Variants in DAZAP1 observed in about 807,000 individuals in gnomAD.
DAZAP1 encodes the protein DAZ-associated protein 1.
DAZAP1 carries 6 observed loss-of-function variants against 60.1 expected under a neutral mutation model. That is an observed-to-expected ratio of 0.10 (90% CI 0.05 to 0.20). The LOEUF (loss-of-function observed/expected upper bound fraction) is 0.20, where lower values mean the gene tolerates loss of function less well. DAZAP1 is among the 10% of genes least tolerant of loss of function. DAZAP1 has a pLI of 1.00. For missense variants in DAZAP1, 366 were observed against 560.4 expected, an observed-to-expected ratio of 0.65 and a Z score of 3.50; for synonymous variants, 235 against 215.9, an observed-to-expected ratio of 1.09 and a Z score of -0.78.
chr19:1,433,629 C>T lies in DAZAP1; in HGVS notation c.1048+939C>T. ...CACTCACCACCAAACCCTGGCGTGT[C>T]TGAGACTGGCAGGGGGGTGTGAGGC... On this transcript the variant is annotated intron_variant, in intron 11 of 11. Transcript: ENST00000233078. This position sits in a 1 kb window ranked among gnomAD's most constrained non-coding sequence, Gnocchi z 6.1. The T allele has an allele frequency of 1.2e-6, 1 of 867,542 alleles. No homozygotes were observed. Among genetic ancestry groups the T allele is most frequent in the East Asian group, 2.5e-5 (1 of 40,658 alleles). The allele number at this position is 867,542 out of a possible 1,614,324, so 53.7% of individuals were successfully genotyped here.
At chr19:1,431,737 G>A (rs1385797690) in intron 10 of DAZAP1, among the ~76,000 whole-genome samples, 3 of 152,248 alleles carry the variant, frequency 2.0e-5, no homozygotes, top group South Asian at 2.1e-4. Flanking sequence ...AGGGACATGG[G>A]CCATACGTGG....
At chr19:1,419,167 C>T (rs1275033765) in intron 4 of DAZAP1, among the ~76,000 whole-genome samples, 3 of 152,228 alleles carry the variant, frequency 2.0e-5, no homozygotes, top group South Asian at 2.1e-4. Context: ...CTCTGACCTG[C>T]GCCCTGGTGC....
intron 1 of DAZAP1, among the ~76,000 whole-genome samples, chr19:1,413,821 C>T (rs990298717): frequency 2.6e-5 from 4 of 152,200 alleles, no homozygotes; most frequent in Non-Finnish European, 5.9e-5. Context: ...AACTGAAATT[C>T]TGTCTTGTTC....
intron 1 of DAZAP1, chr19:1,415,993 G>A (rs985604980): frequency 2.6e-5 from 4 of 152,130 alleles, no homozygotes; most frequent in African/African-American, 9.7e-5. Flanking sequence ...TCGTTCTTAG[G>A]GAAAAAAGAA....
rs776036657 is a variant in DAZAP1 at position 1,434,918 on chromosome 19, G to T, written c.*6G>T. ...TCCACCCCTACCGACGCTAGCCCGC[G>T]GCGCCGCGACGTCTGCACGGCCCAG... On this transcript the variant is annotated 3_prime_UTR_variant, in exon 12 of 12. Transcript: ENST00000233078. This position sits in a 1 kb window ranked among gnomAD's most constrained non-coding sequence, Gnocchi z 8.0. 1.4e-6 allele frequency: 2 copies of T among 1,438,002 alleles called. No homozygotes were observed. Among genetic ancestry groups the T allele is most frequent in the East Asian group, 5.7e-5 (2 of 34,834 alleles). The allele number at this position is 1,438,002 out of a possible 1,614,324, so 89.1% of individuals were successfully genotyped here.
chr19:1,418,906 C>T lies in DAZAP1; in HGVS notation c.303+175C>T, dbSNP rs2083066723. 6.6e-6 allele frequency among the ~76,000 whole-genome samples: 1 copy of T among 152,114 alleles called. No homozygotes were observed. The highest frequency in any genetic ancestry group is 1.5e-5 in the Non-Finnish European group (1 of 68,016). On this transcript the variant is annotated intron_variant, in intron 4 of 11. Coordinates refer to ENST00000233078, the MANE Select transcript of DAZAP1 (RefSeq NM_018959.4). This position sits in a 1 kb window ranked among gnomAD's most constrained non-coding sequence, Gnocchi z 5.7. ...ATTTATCAGTGCCGTGAGTGTTTTA[C>T]AGCCAAGAAAATTCTTACTAATCTA...
chr19:1,424,419 C>T (rs1600226403), intron 6 of DAZAP1, among the ~76,000 whole-genome samples: 2 of 148,200 alleles, frequency 1.3e-5, no homozygotes, highest in African/African-American at 2.5e-5. Context: ...CAGGTGCACA[C>T]GTGTGCTCAG....
intron 6 of DAZAP1, among the ~76,000 whole-genome samples, chr19:1,424,406 G>A (rs1600226356): frequency 7.3e-6 from 1 of 136,262 alleles, no homozygotes; most frequent in Non-Finnish European, 1.5e-5. Flanking sequence ...GCACAGTCAC[G>A]CTCAGGTGCA....
chr19:1,417,890 T>G (rs1227688151), intron 2 of DAZAP1, among the ~76,000 whole-genome samples: 1 of 151,586 alleles, frequency 6.6e-6, no homozygotes, highest in Non-Finnish European at 1.5e-5. Flanking sequence ...AAGTCGGCGC[T>G]CCTTGGCCAC....
intron 1 of DAZAP1, among the ~76,000 whole-genome samples, chr19:1,408,282 G>T (rs1177941820): frequency 6.6e-6 from 1 of 151,928 alleles, no homozygotes; most frequent in African/African-American, 2.4e-5. Context: ...GTTGCCGCCT[G>T]TAGGGCTTCC....
intron 1 of DAZAP1, among the ~76,000 whole-genome samples, chr19:1,413,081 C>T (rs2082875311): frequency 1.3e-5 from 2 of 152,196 alleles, no homozygotes; most frequent in African/African-American, 2.4e-5. Context: ...CATTGCTCAC[C>T]GACCCCTTCA....
rs773386370 is a variant in DAZAP1, at chr19:1,417,543, AGGTGGGGAAGGGGTGTCAGGTG to A, written c.70+7_70+28del. The A allele has an allele frequency of 6.9e-6, 11 of 1,604,038 alleles. No homozygotes were observed. Among genetic ancestry groups the A allele is most frequent in the Non-Finnish European group, 9.4e-6 (11 of 1,175,684 alleles). On this transcript the variant is annotated splice_donor_5th_base_variant and intron_variant, in intron 2 of 11. Transcript: ENST00000233078. ...TCTTGACTGGAGCACGACCCAAGGT[AGGTGGGGAAGGGGTGTCAGGTG>A]GGTACTGCAGATGGGCTCTAGGACC...
chr19:1,433,746 T>A lies in DAZAP1; in HGVS notation c.1049-991T>A. 6.2e-7 allele frequency: 1 copy of A among 1,613,680 alleles called. No homozygotes were observed. Among genetic ancestry groups the A allele is most frequent in the Non-Finnish European group, 8.5e-7 (1 of 1,179,766 alleles). On this transcript the variant is annotated intron_variant, in intron 11 of 11. Coordinates refer to ENST00000233078, the MANE Select transcript of DAZAP1 (RefSeq NM_018959.4). The surrounding 1 kb of genome is among the most constrained non-coding windows in gnomAD (Gnocchi z 6.1). ...GGTCTCGTCTCTTGCCAGGCCTGGGTTCCTATTCTCCAGCCCCGCCGGGCT... is the reference window on the plus strand; with the variant it reads ...GGTCTCGTCTCTTGCCAGGCCTGGGATCCTATTCTCCAGCCCCGCCGGGCT...
chr19:1,420,947 C>T (rs144375192), intron 4 of DAZAP1, among the ~76,000 whole-genome samples: 14 of 152,302 alleles, frequency 9.2e-5, no homozygotes, highest in Admixed American at 2.6e-4. Flanking sequence ...CAATCCCTGT[C>T]TCCTTGGGTC....
chr19:1,422,253 CGA>C lies in DAZAP1; in HGVS notation c.415-91_415-90del, dbSNP rs2083179067. ...CCGCTCAGGGAGGGCGCACCCTGTG[CGA>C]GAGTTTGGGTTCGTGGGAACAGGCT... On this transcript the variant is annotated intron_variant, in intron 5 of 11. Transcript: ENST00000233078. The surrounding 1 kb of genome is among the most constrained non-coding windows in gnomAD (Gnocchi z 4.5). The C allele has an allele frequency of 8.5e-7, 1 of 1,179,092 alleles. No individual in the cohort carries two copies. The allele number at this position is 1,179,092 out of a possible 1,614,324, so 73.0% of individuals were successfully genotyped here. A position where few individuals can be genotyped will look rare whatever the true frequency, so the allele number is the denominator to read the frequency against.
intron 1 of DAZAP1, among the ~76,000 whole-genome samples, chr19:1,415,410 T>TTTTG (rs2082953198): frequency 6.7e-6 from 1 of 150,366 alleles, no homozygotes; most frequent in African/African-American, 2.4e-5. Flanking sequence ...TTTTTTTTTT[T>TTTTG]TGAGAACTGC....
In DAZAP1 at chr19:1,428,888, C is replaced by T. The variant is rs147255663; in HGVS notation, c.593C>T (p.Pro198Leu). Reference protein sequence around the residue: ...AEPRDSKSQAPGQPGASQWGS... With the variant: ...AEPRDSKSQALGQPGASQWGS... ...CCTCGGGACAGCAAGAGCCAAGCGCCGGGACAGCCAGGTGCCAGCCAGTGG... is the reference window on the plus strand; with the variant it reads ...CCTCGGGACAGCAAGAGCCAAGCGCTGGGACAGCCAGGTGCCAGCCAGTGG... Residue 198 changes from proline to leucine, a missense_variant, in exon 8 of 12, where the codon CCG becomes CTG. Pro to Leu is a moderately conservative substitution (Grantham distance 98). Coordinates refer to ENST00000233078, the MANE Select transcript of DAZAP1 (RefSeq NM_018959.4). This position sits in a 1 kb window ranked among gnomAD's most constrained non-coding sequence, Gnocchi z 4.0. The T allele has an allele frequency of 5.9e-5, 95 of 1,612,878 alleles. No homozygotes were observed. Among genetic ancestry groups the T allele is most frequent in the Middle Eastern group, 3.3e-4 (2 of 6,076 alleles).
rs967482920 is a variant in DAZAP1 at position 1,418,668 on chromosome 19, C to T, written c.240C>T (p.Ile80=). The T allele has an allele frequency of 1.9e-6, 3 of 1,613,968 alleles. No individual in the cohort carries two copies. Among genetic ancestry groups the T allele is most frequent in the East Asian group, 2.2e-5 (1 of 44,856 alleles). ...AGCTGATTTGAAATTTCCTGCAGAT[C>T]GACCCCAAGCCATGCACACCCCGGG... ...SRPHTLDGRN[I]DPKPCTPRGM... The change falls in exon 4 of 12, where the codon ATC becomes ATT. Residue 80 remains isoleucine (I), a splice_region_variant and synonymous_variant. Transcript: ENST00000233078. This position sits in a 1 kb window ranked among gnomAD's most constrained non-coding sequence, Gnocchi z 5.7.
At chr19:1,409,026 G>T (rs1205196687) in intron 1 of DAZAP1, among the ~76,000 whole-genome samples, 1 of 152,220 alleles carries the variant, frequency 6.6e-6, no homozygotes, top group Non-Finnish European at 1.5e-5. Flanking sequence ...CCAGCTACAG[G>T]TCACACTTGT....
Sources: allele counts gnomAD v4.1 joint callset (sites outside exome capture counted in the v4.1 genomes callset), GRCh38; gene constraint gnomAD v4.1.1; non-coding constraint Gnocchi (gnomAD v3.1); transcripts MANE v1.5; gene names NCBI Gene and HGNC (gene_info 2026-07-23, HGNC 2026-07-21).